The following POU2F2 variants were observed in gnomAD, a reference collection of about 807,000 sequenced individuals.
The protein encoded by POU2F2 is POU class 2 homeobox 2.
A neutral mutation model predicts 63.5 loss-of-function variants in POU2F2; 14 were observed. The ratio of observed to expected loss-of-function variants is 0.22; its 90% CI spans 0.15 to 0.34. The LOEUF is 0.34. Ranked by LOEUF, POU2F2 falls within the 10% of genes least tolerant of loss-of-function variation. POU2F2 has a pLI of 1.00. For synonymous variants in POU2F2, 306 were observed against 348.6 expected (o/e 0.88, Z 1.36); for missense variants, 607 against 815.2 (o/e 0.74, Z 3.11).
chr19:42,192,883 C>T (rs76243199), intron 1 of POU2F2, among the ~76,000 whole-genome samples: 12,172 of 152,132 alleles, frequency 0.08, 685 homozygotes, highest in South Asian at 0.18. Context: ...TAAACTGGTA[C>T]TGACACTTCA....
chr19:42,195,334 T>C (rs1012688026), intron 1 of POU2F2, among the ~76,000 whole-genome samples: 2 of 141,996 alleles, frequency 1.4e-5, no homozygotes, highest in East Asian at 2.0e-4. Context: ...CTTTTTCTTT[T>C]TTTTTTTTTT....
chr19:42,193,709 C>T (rs2035098573), intron 1 of POU2F2, among the ~76,000 whole-genome samples: 1 of 152,234 alleles, frequency 6.6e-6, no homozygotes, highest in Non-Finnish European at 1.5e-5. Flanking sequence ...ACAGTATAGA[C>T]AGCCAAACCC....
upstream of POU2F2, among the ~76,000 whole-genome samples, chr19:42,196,918 G>A (rs1210720263): frequency 6.6e-6 from 1 of 152,252 alleles, no homozygotes; most frequent in Non-Finnish European, 1.5e-5. Flanking sequence ...TAAGGGGGAG[G>A]TGACCCAGAG....
In POU2F2 at chr19:42,093,905, GAAGA is replaced by G. The variant is rs775555941; in HGVS notation, c.1198-14_1198-11del. 1 of 1,606,168 alleles carries G rather than the reference GAAGA, an allele frequency of 6.2e-7. No individual in the cohort carries two copies. Among genetic ancestry groups the G allele is most frequent in the Non-Finnish European group, 8.5e-7 (1 of 1,174,028 alleles). On this transcript the variant is annotated splice_polypyrimidine_tract_variant and intron_variant, in intron 11 of 14. Coordinates refer to ENST00000692977, the MANE Select transcript of POU2F2 (RefSeq NM_001394376.1). ...CCCCTTGGGGTGTGACCTGAGGAGA[GAAGA>G]AAGGAGGTGTGGTTAGCCACTGTCT... is the stretch of plus-strand genomic sequence containing the variant.
rs1330990259 is a variant in POU2F2, at chr19:42,153,970, C to A, written c.-9+6362G>T. Among the ~76,000 whole-genome samples the A allele has an allele frequency of 6.6e-6, 1 of 151,988 alleles. No homozygotes were observed. Among genetic ancestry groups the A allele is most frequent in the Non-Finnish European group, 1.5e-5 (1 of 67,988 alleles). On this transcript the variant is annotated intron_variant, in intron 2 of 6. Coordinates refer to the POU2F2 transcript ENST00000524801. This position sits in a 1 kb window ranked among gnomAD's most constrained non-coding sequence, Gnocchi z 5.6. Reference sequence around the variant, plus strand: ...AGACCCCTGCCAGGATGGGCCCAGGCCCCCGTCCCTCCCCCGGCACCTTGG... The same window carrying A: ...AGACCCCTGCCAGGATGGGCCCAGGACCCCGTCCCTCCCCCGGCACCTTGG...
chr19:42,180,628 G>T (rs1568426659), upstream of POU2F2, among the ~76,000 whole-genome samples: 1 of 152,140 alleles, frequency 6.6e-6, no homozygotes, highest in South Asian at 2.1e-4. Context: ...TACATGGGTG[G>T]GGTGGGGGGC....
Position 42,152,577 on chromosome 19 carries a change from G to A in POU2F2, c.-9+7755C>T, listed in dbSNP as rs755151098. 39 of 152,962 alleles carry A rather than the reference G, an allele frequency of 2.5e-4. No homozygotes were observed. The highest frequency in any genetic ancestry group is 4.1e-4 in the Non-Finnish European group (28 of 68,774). The allele number at this position is 152,962 out of a possible 1,614,324, so 9.5% of individuals were successfully genotyped here. On this transcript the variant is annotated intron_variant, in intron 2 of 6. Coordinates refer to the POU2F2 transcript ENST00000524801. This position sits in a 1 kb window ranked among gnomAD's most constrained non-coding sequence, Gnocchi z 4.1. ...CTTGCTTGCCTTGCTTCCTTTTCCC[G>A]GAGCCGCACCCAGGTCCCCCACCAT...
chr19:42,191,991 T>A (rs1289234468), intron 1 of POU2F2, among the ~76,000 whole-genome samples: 1 of 152,172 alleles, frequency 6.6e-6, no homozygotes, highest in South Asian at 2.1e-4. Context: ...CGTAAACACA[T>A]GTAAAGCATT....
chr19:42,092,455 CT>C lies in POU2F2; in HGVS notation c.1265-186del, dbSNP rs1380847663. ...CCCTGTGCCTCTGCCATGGTGACCC[CT>C]GTCATAACAATGGAAGTCAGAGCAG... On this transcript the variant is annotated intron_variant, in intron 12 of 14. Coordinates refer to ENST00000692977, the MANE Select transcript of POU2F2 (RefSeq NM_001394376.1). This position sits in a 1 kb window ranked among gnomAD's most constrained non-coding sequence, Gnocchi z 5.0. Among the ~76,000 whole-genome samples the C allele has an allele frequency of 6.6e-6, 1 of 152,218 alleles. No individual in the cohort carries two copies. Among genetic ancestry groups the C allele is most frequent in the African/African-American group, 2.4e-5 (1 of 41,448 alleles).
chr19:42,175,458 G>C (rs1018458828), intron 1 of POU2F2, among the ~76,000 whole-genome samples: 1 of 151,608 alleles, frequency 6.6e-6, no homozygotes, highest in Admixed American at 6.6e-5. Flanking sequence ...GGCAGGAAGG[G>C]AAGAATAAAA....
At chr19:42,151,344 C>A (rs2088418051) in intron 2 of POU2F2, among the ~76,000 whole-genome samples, 1 of 152,058 alleles carries the variant, frequency 6.6e-6, no homozygotes, top group South Asian at 2.1e-4. Context: ...CCCTCCTCTG[C>A]CCTCCCCCTC....
chr19:42,114,340 G>C (rs754959129), intron 5 of POU2F2, among the ~76,000 whole-genome samples: 1 of 152,144 alleles, frequency 6.6e-6, no homozygotes, highest in African/African-American at 2.4e-5. Context: ...GCACGGCTGG[G>C]GGGAGGGAAG....
At position 42,117,177 on chromosome 19, in the gene POU2F2, C is replaced by G; in HGVS notation, c.369+73G>C. On this transcript the variant is annotated intron_variant, in intron 5 of 14. Transcript: ENST00000692977. This position sits in a 1 kb window ranked among gnomAD's most constrained non-coding sequence, Gnocchi z 4.4. ...TGGCCATGGCCTTGGTGGAACAGTT[C>G]ATCCACTAGCCCTGTAACAGATGAG... The G allele has an allele frequency of 8.2e-7, 1 of 1,218,362 alleles. No individual in the cohort carries two copies. The highest frequency in any genetic ancestry group is 1.1e-6 in the Non-Finnish European group (1 of 881,786). The allele number at this position is 1,218,362 out of a possible 1,614,324, so 75.5% of individuals were successfully genotyped here.
chr19:42,190,287 A>G lies in POU2F2; in HGVS notation c.-70+6096T>C, dbSNP rs1031014640. Reference sequence around the variant, plus strand: ...TGTTTAAAAAAATCTTTATATATATATGTGTGTATATATATGTATAAAAAC... The same window carrying G: ...TGTTTAAAAAAATCTTTATATATATGTGTGTGTATATATATGTATAAAAAC... On this transcript the variant is annotated intron_variant, in intron 1 of 5. Coordinates refer to the POU2F2 transcript ENST00000532176. Among the ~76,000 whole-genome samples the G allele has an allele frequency of 3.4e-5, 5 of 148,730 alleles. No homozygotes were observed. The East Asian group carries it at 5.9e-4, about 17-fold the overall frequency.
At chr19:42,136,972 C>T (rs964100156), upstream of POU2F2, 3 of 152,134 alleles carry the variant, frequency 2.0e-5, no homozygotes, top group Non-Finnish European at 2.9e-5. Context: ...AGCTGAGGAC[C>T]CAGAGGTGAG....
intron 3 of POU2F2, 35 bp from the exon 4 acceptor site, chr19:42,122,217 T>C (rs2032707274): frequency 6.2e-7 from 1 of 1,601,856 alleles, no homozygotes; most frequent in Non-Finnish European, 8.5e-7. Context: ...GGGATGGGAA[T>C]AGTGCAGTGA....
upstream of POU2F2, among the ~76,000 whole-genome samples, chr19:42,180,224 C>T (rs1323489080): frequency 6.6e-6 from 1 of 152,196 alleles, no homozygotes; most frequent in African/African-American, 2.4e-5. Context: ...AAAGCTGGCA[C>T]ACCAACCTAA....
In POU2F2 at chr19:42,087,959, G is replaced by C. The variant is rs2076599901; in HGVS notation, c.*3298C>G. ...GTCGAGACGGGGGACCAGAGTGTAA[G>C]GGGCAGATGGGGGTGGGGGGCATGA... On this transcript the variant is annotated 3_prime_UTR_variant, in exon 15 of 15. Coordinates refer to ENST00000692977, the MANE Select transcript of POU2F2 (RefSeq NM_001394376.1). 1.3e-5 allele frequency: 2 copies of C among 152,276 alleles called. No homozygotes were observed. The highest frequency in any genetic ancestry group is 4.8e-5 in the African/African-American group (2 of 41,434). 9.4% of individuals were successfully genotyped at this position (152,276 alleles called of 1,614,324 possible).
rs993457810 is a variant in POU2F2, at chr19:42,117,369, G to C, written c.250C>G (p.Gln84Glu). 1.3e-6 allele frequency: 2 copies of C among 1,517,050 alleles called. No homozygotes were observed. The highest frequency in any genetic ancestry group is 1.3e-5 in the South Asian group (1 of 77,304). The allele number at this position is 1,517,050 out of a possible 1,614,324, so 94.0% of individuals were successfully genotyped here. A position where few individuals can be genotyped will look rare whatever the true frequency, so the allele number is the denominator to read the frequency against. The change falls in exon 5 of 15, where the codon CAG becomes GAG. Residue 84 changes from glutamine to glutamate, a missense_variant. Physicochemically the swap from Gln to Glu is conservative, Grantham distance 29. This residue lies in a region of POU2F2 where 224 missense variants were observed against 264.3 expected (regional missense o/e 0.85). Coordinates refer to ENST00000692977, the MANE Select transcript of POU2F2 (RefSeq NM_001394376.1). The surrounding 1 kb of genome is among the most constrained non-coding windows in gnomAD (Gnocchi z 4.4). ...CCACTGGGGTCTTCAGCCTTGATCT[G>C]GGGGGGAGAGAGGCAGGGTCCGGGA... ...WGPGPCLSPP[Q>E]IKAEDPSGDS...
Sources: allele counts gnomAD v4.1 joint callset (sites outside exome capture counted in the v4.1 genomes callset), GRCh38; gene constraint gnomAD v4.1.1; regional missense constraint gnomAD v4.1.1; non-coding constraint Gnocchi (gnomAD v3.1); transcripts MANE v1.5; gene names NCBI Gene and HGNC (gene_info 2026-07-23, HGNC 2026-07-21).